PDE4D: variants seen among roughly 807,000 people sequenced by gnomAD.
PDE4D encodes the protein 3',5'-cyclic-AMP phosphodiesterase 4D.
PDE4D carries 24 observed loss-of-function variants against 87.4 expected under a neutral mutation model. The ratio of observed to expected loss-of-function variants is 0.27; its 90% CI spans 0.20 to 0.39. The LOEUF (loss-of-function observed/expected upper bound fraction) is 0.39, where lower values mean the gene tolerates loss of function less well. Among genes scored for constraint, PDE4D ranks in the 10% least tolerant of loss-of-function variants. The pLI, the probability that PDE4D is intolerant of heterozygous loss-of-function variation, is 1.00. For synonymous variants in PDE4D, 384 were observed against 383.2 expected, an observed-to-expected ratio of 1.00 and a Z score of -0.02; for missense variants, 714 against 1,041.0, an observed-to-expected ratio of 0.69 and a Z score of 4.32.
intron 5 of PDE4D, among the ~76,000 whole-genome samples, chr5:59,043,750 C>G (rs1366896551): frequency 6.6e-6 from 1 of 151,828 alleles, no homozygotes; most frequent in Non-Finnish European, 1.5e-5. Context: ...GTTCCCCTTC[C>G]TATGTCCATG....
intron 11 of PDE4D, among the ~76,000 whole-genome samples, chr5:58,984,169 T>C (rs147152685): frequency 2.1e-3 from 317 of 152,320 alleles, no homozygotes; most frequent in African/African-American, 7.3e-3. Context: ...GAAACAAACA[T>C]TTCTCCATGA....
At chr5:60,382,978 G>A (rs1282940090) in intron 1 of PDE4D, among the ~76,000 whole-genome samples, 1 of 152,076 alleles carries the variant, frequency 6.6e-6, no homozygotes, top group African/African-American at 2.4e-5. Flanking sequence ...TCCCCCATGT[G>A]TGCGCATGAA....
intron 1 of PDE4D, among the ~76,000 whole-genome samples, chr5:59,404,708 A>G (rs1223921909): frequency 6.6e-6 from 1 of 151,046 alleles, no homozygotes; most frequent in Non-Finnish European, 1.5e-5. Flanking sequence ...TGTCCTGGAG[A>G]GTTTCCCCAA....
chr5:59,790,606 C>T (rs1192990331), intron 1 of PDE4D, among the ~76,000 whole-genome samples: 2 of 152,172 alleles, frequency 1.3e-5, no homozygotes, highest in South Asian at 2.1e-4. Flanking sequence ...TCAGAACCTA[C>T]GGAGCTGCTG....
intron 5 of PDE4D, among the ~76,000 whole-genome samples, chr5:59,092,195 T>G (rs1460438315): frequency 2.0e-5 from 3 of 152,250 alleles, no homozygotes; most frequent in Non-Finnish European, 4.4e-5. Flanking sequence ...AGGCATACTT[T>G]GCTTATGAAT....
chr5:59,157,698 A>G (rs1780461711), intron 5 of PDE4D, among the ~76,000 whole-genome samples: 1 of 152,206 alleles, frequency 6.6e-6, no homozygotes, highest in Non-Finnish European at 1.5e-5. Context: ...TAAACAGTTG[A>G]AGAGAGGAGA....
intron 1 of PDE4D, among the ~76,000 whole-genome samples, chr5:59,268,600 T>C (rs1022658071): frequency 6.6e-6 from 1 of 152,044 alleles, no homozygotes; most frequent in African/African-American, 2.4e-5. Context: ...GTATTATATT[T>C]TGAGATATTG....
chr5:60,140,159 C>T (rs1201747413), intron 2 of PDE4D, among the ~76,000 whole-genome samples: 1 of 151,934 alleles, frequency 6.6e-6, no homozygotes, highest in African/African-American at 2.4e-5. Context: ...TTAATTGTTG[C>T]AGACCATTTT....
At chr5:60,027,519 A>C (rs1412104810) in intron 2 of PDE4D, among the ~76,000 whole-genome samples, 1 of 152,058 alleles carries the variant, frequency 6.6e-6, no homozygotes, top group Non-Finnish European at 1.5e-5. Flanking sequence ...GTTGCCCCCC[A>C]CCACTCATCA....
intron 5 of PDE4D, among the ~76,000 whole-genome samples, chr5:59,137,663 A>C (rs1435066166): frequency 6.6e-6 from 1 of 151,916 alleles, no homozygotes; most frequent in Non-Finnish European, 1.5e-5. Context: ...AGTAGCTGGG[A>C]CTACAGGCGC....
intron 1 of PDE4D, among the ~76,000 whole-genome samples, chr5:59,738,557 G>A (rs1758405277): frequency 6.6e-6 from 1 of 152,024 alleles, no homozygotes. Context: ...AGTTACCTCT[G>A]GGTGGGAAGG....
intron 1 of PDE4D, among the ~76,000 whole-genome samples, chr5:59,281,541 T>G (rs1394388420): frequency 6.6e-6 from 1 of 152,162 alleles, no homozygotes; most frequent in Non-Finnish European, 1.5e-5. Flanking sequence ...TATTAAGTAT[T>G]TTTTATTATG....
chr5:60,397,443 G>A (rs1040323398), intron 1 of PDE4D, among the ~76,000 whole-genome samples: 4 of 152,154 alleles, frequency 2.6e-5, no homozygotes, highest in Non-Finnish European at 5.9e-5. Flanking sequence ...ATACACAATG[G>A]AATCCTGTTC....
intron 1 of PDE4D, among the ~76,000 whole-genome samples, chr5:59,257,154 CA>C (rs1409711298): frequency 6.6e-6 from 1 of 151,924 alleles, no homozygotes; most frequent in African/African-American, 2.4e-5. Context: ...TTGCTTTTGT[CA>C]TGATTTTGCT....
rs766323524 is a variant in PDE4D, at chr5:59,032,472, G to A, written c.921+6387C>T. 5.7e-4 allele frequency among the ~76,000 whole-genome samples: 87 copies of A among 152,148 alleles called. 1 individual carries two copies. The Middle Eastern group carries it at 0.01, about 18-fold the overall frequency. ...GCATGCGCCTGTAGTCCAGCTACTC[G>A]GGAGGCTGAGGCAGGAGAATTGCTT... On this transcript the variant is annotated intron_variant, in intron 6 of 14. Transcript: ENST00000340635.
intron 1 of PDE4D, among the ~76,000 whole-genome samples, chr5:59,218,396 G>A (rs1198542770): frequency 6.6e-6 from 1 of 151,916 alleles, no homozygotes. Flanking sequence ...ATTAAATCAA[G>A]CAAGTCTTAA....
intron 1 of PDE4D, among the ~76,000 whole-genome samples, chr5:59,475,390 AT>A (rs1400464406): frequency 6.6e-6 from 1 of 152,110 alleles, no homozygotes; most frequent in Non-Finnish European, 1.5e-5. Context: ...GAAATAGGGT[AT>A]TATAAAGCAT....
chr5:59,411,674 G>A (rs946027247), intron 1 of PDE4D, among the ~76,000 whole-genome samples: 28 of 152,054 alleles, frequency 1.8e-4, no homozygotes, highest in African/African-American at 6.8e-4. Flanking sequence ...GATTGGATTA[G>A]GGGCCACTCT....
chr5:59,645,871 T>C (rs56007967), intron 1 of PDE4D, among the ~76,000 whole-genome samples: 12,011 of 152,284 alleles, frequency 0.079, 668 homozygotes, highest in Admixed American at 0.14. Context: ...AAACTTGATG[T>C]AACTTTTCTA....
Sources: allele counts gnomAD v4.1 joint callset (sites outside exome capture counted in the v4.1 genomes callset), GRCh38; gene constraint gnomAD v4.1.1; transcripts MANE v1.5; gene names NCBI Gene and HGNC (gene_info 2026-07-23, HGNC 2026-07-21).